Variants in GNA15 observed in about 807,000 individuals in gnomAD.
The protein encoded by GNA15 is guanine nucleotide-binding protein subunit alpha-15.
In GNA15, 23 loss-of-function variants were observed where a neutral mutation model predicts 40.1. The observed-to-expected ratio is 0.57, with a 90% CI of 0.41 to 0.81. The LOEUF (loss-of-function observed/expected upper bound fraction) is 0.81, where lower values mean the gene tolerates loss of function less well. Among genes scored for constraint, GNA15 ranks in the 40% least tolerant of loss-of-function variants. The pLI is 0.00. For missense variants in GNA15, 522 were observed against 515.8 expected, an observed-to-expected ratio of 1.01 and a Z score of -0.12; for synonymous variants, 226 against 210.4, an observed-to-expected ratio of 1.07 and a Z score of -0.64.
At chr19:3,138,826 G>A (rs1317209526) in intron 1 of GNA15, among the ~76,000 whole-genome samples, 5 of 149,946 alleles carry the variant, frequency 3.3e-5, no homozygotes, top group Admixed American at 6.7e-5. Flanking sequence ...TTTTAGTAGA[G>A]ATGGGGTTCC....
In GNA15 at chr19:3,162,930, G is replaced by A. The variant is rs544907753; in HGVS notation, c.1036G>A (p.Ala346Thr). 1 of 1,614,074 alleles carries A rather than the reference G, an allele frequency of 6.2e-7. No individual in the cohort carries two copies. The highest frequency in any genetic ancestry group is 2.2e-5 in the East Asian group (1 of 44,878). ...ACGCCTCTTCAGCCACTACACATGT[G>A]CCACAGACACACAGAACATCCGCAA... ...SRRLFSHYTC[A>T]TDTQNIRKVF... Residue 346 changes from alanine (A) to threonine (T), a missense_variant, in exon 7 of 7, where the codon GCC becomes ACC. Ala to Thr is a moderately conservative substitution (Grantham distance 58). Coordinates refer to ENST00000262958, the MANE Select transcript of GNA15 (RefSeq NM_002068.4).
chr19:3,162,130 T>C (rs1384649462), intron 6 of GNA15, among the ~76,000 whole-genome samples: 1 of 152,084 alleles, frequency 6.6e-6, no homozygotes, highest in Non-Finnish European at 1.5e-5. Flanking sequence ...AAAGCTTCTT[T>C]AATCTTCATG....
chr19:3,145,359 A>ATATATATATATATATATATATAT lies in GNA15; in HGVS notation c.146-3231_146-3230insATATATATATATATATATATATT. On this transcript the variant is annotated intron_variant, in intron 1 of 6. Transcript: ENST00000262958. ...TAAATATATATATATATATATATAT[A>ATATATATATATATATATATATAT]TTTTTTTTTTTTTGTAGAGATGGGG... is the stretch of plus-strand genomic sequence containing the variant. Among the ~76,000 whole-genome samples, 168 of 46,910 alleles carry ATATATATATATATATATATATAT rather than the reference A, an allele frequency of 3.6e-3. 3 individuals are homozygous for ATATATATATATATATATATATAT. The highest frequency in any genetic ancestry group is 5.2e-3 in the Non-Finnish European group (134 of 25,676). The allele number at this position is 46,910 out of a possible 152,430, so 30.8% of individuals were successfully genotyped here.
At position 3,150,224 on chromosome 19, in the gene GNA15, G is replaced by GCCGGCAT. The variant is rs1914845206; in HGVS notation, c.429_435dup (p.Ala146HisfsTer6). The GCCGGCAT allele has an allele frequency of 6.2e-7, 1 of 1,611,222 alleles. No homozygotes were observed. Among genetic ancestry groups the GCCGGCAT allele is most frequent in the African/African-American group, 1.3e-5 (1 of 74,830 alleles). On this transcript the variant is annotated frameshift_variant, in exon 3 of 7. Transcript: ENST00000262958. LOFTEE classifies it high-confidence loss of function. ...GGCCATGCAGTGGCTGTGGAGGGAT[G>GCCGGCAT]CCGGCATCCGGGCCTGCTATGAGCG...
At chr19:3,150,776 A>G (rs540869335) in intron 3 of GNA15, among the ~76,000 whole-genome samples, 2 of 140,020 alleles carry the variant, frequency 1.4e-5, no homozygotes, top group Admixed American at 7.1e-5. Flanking sequence ...GGGAACCCTG[A>G]TCCTGGGGGG....
intron 4 of GNA15, among the ~76,000 whole-genome samples, chr19:3,153,358 T>C (rs1368350706): frequency 1.4e-5 from 2 of 145,480 alleles, no homozygotes; most frequent in Non-Finnish European, 3.0e-5. Context: ...GATAGATGAG[T>C]GGATGGATGG....
At position 3,151,012 on chromosome 19, in the gene GNA15, G is replaced by C. The variant is rs1914869716; in HGVS notation, c.486-695G>C. ...GGGTGATCCTGTTCCTGGGGGGACT[G>C]TATTCCTAGAGTGACCCTGTTCTTG... On this transcript the variant is annotated intron_variant, in intron 3 of 6. Coordinates refer to ENST00000262958, the MANE Select transcript of GNA15 (RefSeq NM_002068.4). This position sits in a 1 kb window ranked among gnomAD's most constrained non-coding sequence, Gnocchi z 5.0. 2.7e-5 allele frequency among the ~76,000 whole-genome samples: 4 copies of C among 148,710 alleles called. No homozygotes were observed. Among genetic ancestry groups the C allele is most frequent in the Admixed American group, 2.7e-4 (4 of 15,016 alleles).
At chr19:3,147,646 C>G (rs554788853) in intron 1 of GNA15, among the ~76,000 whole-genome samples, 1 of 151,762 alleles carries the variant, frequency 6.6e-6, no homozygotes, top group African/African-American at 2.4e-5. Flanking sequence ...GTGGCTCACG[C>G]TTGTAATCCC....
At chr19:3,149,677 T>G in intron 2 of GNA15, 1 of 161,114 alleles carries the variant, frequency 6.2e-6, no homozygotes, top group Non-Finnish European at 1.4e-5. Flanking sequence ...GCTAGGGCTG[T>G]TTGGGGAAAA....
intron 3 of GNA15, 93 bp downstream of exon 3, chr19:3,150,378 G>A (rs1438064763): frequency 9.1e-6 from 10 of 1,101,416 alleles, no homozygotes; most frequent in East Asian, 7.8e-5. Context: ...GATATTGTGG[G>A]CGCAGATGGG....
intron 1 of GNA15, among the ~76,000 whole-genome samples, chr19:3,137,776 A>G (rs1914487733): frequency 6.6e-6 from 1 of 151,658 alleles, no homozygotes; most frequent in South Asian, 2.1e-4. Context: ...GTGAGACGCC[A>G]TCTCAAACAA....
chr19:3,148,331 G>A (rs1156271763), intron 1 of GNA15, among the ~76,000 whole-genome samples: 2 of 152,070 alleles, frequency 1.3e-5, no homozygotes, highest in African/African-American at 2.4e-5. Context: ...CAGGTGATCC[G>A]CCTGCCTCAG....
At chr19:3,141,193 T>C (rs1295835285) in intron 1 of GNA15, among the ~76,000 whole-genome samples, 1 of 151,880 alleles carries the variant, frequency 6.6e-6, no homozygotes, top group East Asian at 1.9e-4. Context: ...TGGTGGCACA[T>C]ACCTGTAGTC....
In GNA15 at chr19:3,163,094, C is replaced by A; in HGVS notation, c.*75C>A. ...GAGTGGCTGCAGGGACCCCTAGTGTCCCTGGTCTATCTCTCCAGCCTCGGC... is the reference window on the plus strand; with the variant it reads ...GAGTGGCTGCAGGGACCCCTAGTGTACCTGGTCTATCTCTCCAGCCTCGGC... On this transcript the variant is annotated 3_prime_UTR_variant, in exon 7 of 7. Coordinates refer to ENST00000262958, the MANE Select transcript of GNA15 (RefSeq NM_002068.4). 2 of 923,226 alleles carry A rather than the reference C, an allele frequency of 2.2e-6. No individual in the cohort carries two copies. Among genetic ancestry groups the A allele is most frequent in the South Asian group, 1.4e-5 (1 of 73,552 alleles). 57.2% of individuals were successfully genotyped at this position (923,226 alleles called of 1,614,324 possible).
intron 1 of GNA15, among the ~76,000 whole-genome samples, chr19:3,139,867 C>G (rs1914535944): frequency 6.7e-6 from 1 of 149,552 alleles, no homozygotes; most frequent in East Asian, 2.0e-4. Context: ...AACCCCATCT[C>G]TACTAAAAAT....
intron 1 of GNA15, chr19:3,142,557 C>A (rs942183741): frequency 1.3e-5 from 2 of 152,154 alleles, no homozygotes; most frequent in Non-Finnish European, 2.9e-5. Flanking sequence ...TGGAAGACAA[C>A]TGGGGGACAG....
At chr19:3,147,869 C>CAG (rs1488912155) in intron 1 of GNA15, among the ~76,000 whole-genome samples, 17 of 117,268 alleles carry the variant, frequency 1.4e-4, no homozygotes, top group Non-Finnish European at 3.3e-5. Flanking sequence ...GCCTGGGTGA[C>CAG]AGAGCAAGAC....
chr19:3,143,464 C>T (rs1051282271), intron 1 of GNA15, among the ~76,000 whole-genome samples: 4 of 151,528 alleles, frequency 2.6e-5, no homozygotes, highest in African/African-American at 9.7e-5. Context: ...CCAGCCTGGC[C>T]AAAATGGCAA....
intron 1 of GNA15, among the ~76,000 whole-genome samples, chr19:3,144,753 C>A (rs997836848): frequency 6.6e-6 from 1 of 151,558 alleles, no homozygotes; most frequent in African/African-American, 2.4e-5. Flanking sequence ...TGGTCTCGAT[C>A]TCCTGACCTC....
Sources: allele counts gnomAD v4.1 joint callset (sites outside exome capture counted in the v4.1 genomes callset), GRCh38; gene constraint gnomAD v4.1.1; non-coding constraint Gnocchi (gnomAD v3.1); transcripts MANE v1.5; gene names NCBI Gene and HGNC (gene_info 2026-07-23, HGNC 2026-07-21).